EXOC6: variants seen among roughly 807,000 people sequenced by gnomAD.
EXOC6 encodes SEC15-like 1.
A neutral mutation model predicts 112.5 loss-of-function variants in EXOC6; 60 were observed. That is an observed-to-expected ratio of 0.53 (90% confidence interval 0.43 to 0.66). The LOEUF (loss-of-function observed/expected upper bound fraction) is 0.66. EXOC6 is among the 30% of genes least tolerant of loss of function. The pLI is 0.00. For synonymous variants in EXOC6, 295 were observed against 308.0 expected, an observed-to-expected ratio of 0.96 and a Z score of 0.44; for missense variants, 855 against 957.1, an observed-to-expected ratio of 0.89 and a Z score of 1.41.
chr10:92,957,350 C>T (rs1186309207), intron 17 of EXOC6, among the ~76,000 whole-genome samples: 1 of 152,080 alleles, frequency 6.6e-6, no homozygotes, highest in Non-Finnish European at 1.5e-5. Context: ...TAGGGATCTT[C>T]AAGTAATTAT....
intron 21 of EXOC6, 116 bp from the exon 22 acceptor site, chr10:93,058,106 AT>A: frequency 1.1e-6 from 1 of 879,872 alleles, no homozygotes; most frequent in South Asian, 1.8e-5. Context: ...TTTGAACTAT[AT>A]TTTTCAAGCA....
Position 93,058,353 on chromosome 10 carries a change from T to C in EXOC6, c.2413T>C (p.Ter805GlnextTer13). ...GGTGAATGGTATGTCCCAGCACATG[T>C]AGACCTCACATGGCTTGCACTCAGT... is the stretch of plus-strand genomic sequence containing the variant. Reference protein sequence around the residue: ...SLVNGMSQHM* With the variant: ...SLVNGMSQHMQ Residue 805 changes from the stop codon to glutamine (Q), a stop_lost, in exon 22 of 22, where the codon TAG (stop) becomes CAG (glutamine). Transcript: ENST00000260762. 6.2e-7 allele frequency: 1 copy of C among 1,600,326 alleles called. No homozygotes were observed. The highest frequency in any genetic ancestry group is 8.5e-7 in the Non-Finnish European group (1 of 1,176,634).
intron 18 of EXOC6, among the ~76,000 whole-genome samples, chr10:92,994,713 A>G (rs989856041): frequency 2.0e-5 from 3 of 152,046 alleles, no homozygotes; most frequent in Non-Finnish European, 4.4e-5. Context: ...GATCGTTGTA[A>G]AAGTACTCAG....
chr10:92,955,460 T>G, intron 16 of EXOC6, 120 bp from the exon 17 acceptor site: 1 of 778,584 alleles, frequency 1.3e-6, no homozygotes, highest in Non-Finnish European at 2.1e-6. Flanking sequence ...TTGTATCCTA[T>G]AATGCTGCAA....
At chr10:93,013,060 T>C (rs1164996668) in intron 19 of EXOC6, among the ~76,000 whole-genome samples, 1 of 151,450 alleles carries the variant, frequency 6.6e-6, no homozygotes, top group Non-Finnish European at 1.5e-5. Context: ...AAATTAGAAA[T>C]TAATGGGGTG....
intron 19 of EXOC6, among the ~76,000 whole-genome samples, chr10:93,007,497 A>C (rs1844049396): frequency 6.6e-6 from 1 of 151,922 alleles, no homozygotes; most frequent in South Asian, 2.1e-4. Context: ...TTAAAAATAC[A>C]AAAAAATTAG....
chr10:93,048,127 G>A (rs1846091735), intron 20 of EXOC6, among the ~76,000 whole-genome samples: 1 of 152,122 alleles, frequency 6.6e-6, no homozygotes, highest in African/African-American at 2.4e-5. Context: ...TTCTGTGTGT[G>A]CATGGAGGGA....
Position 92,848,623 on chromosome 10 carries a change from GC to G in EXOC6, c.93del (p.Thr32ProfsTer20). The stretch of plus-strand genomic sequence containing the variant: ...AGAGCACCGACACCGCCTGTGTGGG[GC>G]CCACCCTCCGGTAAAGATCTCATCC... ...IESTDTACVGPTLRSVYDDQP... is the reference protein window; with the variant it reads ...IESTDTACVGXTLRSVYDDQP... On this transcript the variant is annotated frameshift_variant, in exon 1 of 22. Coordinates refer to ENST00000260762, the MANE Select transcript of EXOC6 (RefSeq NM_019053.6). LOFTEE classifies it high-confidence loss of function. 1 of 1,433,920 alleles carries G rather than the reference GC, an allele frequency of 7.0e-7. No individual in the cohort carries two copies. The highest frequency in any genetic ancestry group is 1.3e-5 in the South Asian group (1 of 79,328). The allele number at this position is 1,433,920 out of a possible 1,614,324, so 88.8% of individuals were successfully genotyped here. A position where few individuals can be genotyped will look rare whatever the true frequency, so the allele number is the denominator to read the frequency against.
chr10:92,906,656 T>C (rs1850460836), intron 5 of EXOC6, among the ~76,000 whole-genome samples: 1 of 152,192 alleles, frequency 6.6e-6, no homozygotes, highest in Non-Finnish European at 1.5e-5. Context: ...ATCATTACCT[T>C]ATAATAAAAG....
At chr10:92,920,418 C>T (rs1851361690) in intron 8 of EXOC6, among the ~76,000 whole-genome samples, 1 of 152,118 alleles carries the variant, frequency 6.6e-6, no homozygotes, top group Non-Finnish European at 1.5e-5. Flanking sequence ...ATCTAGTTCA[C>T]ATACGAAAAA....
At chr10:93,016,177 C>T (rs552845456) in intron 20 of EXOC6, among the ~76,000 whole-genome samples, 7 of 152,126 alleles carry the variant, frequency 4.6e-5, no homozygotes, top group African/African-American at 1.4e-4. Context: ...CTCTGTTGCC[C>T]AGGCTGGAAT....
At chr10:92,877,070 C>T (rs1848714884) in intron 1 of EXOC6, among the ~76,000 whole-genome samples, 1 of 152,112 alleles carries the variant, frequency 6.6e-6, no homozygotes, top group Non-Finnish European at 1.5e-5. Flanking sequence ...AACGGGAAGG[C>T]AGGAAACTTA....
chr10:92,842,272 T>C (rs1846881901), intron 1 of EXOC6, among the ~76,000 whole-genome samples: 1 of 149,410 alleles, frequency 6.7e-6, no homozygotes, highest in Non-Finnish European at 1.5e-5. Flanking sequence ...GGCAGGAGAA[T>C]TGCTTGAACC....
intron 18 of EXOC6, among the ~76,000 whole-genome samples, chr10:92,989,966 A>G (rs1055114050): frequency 6.6e-6 from 1 of 152,194 alleles, no homozygotes; most frequent in South Asian, 2.1e-4. Context: ...TTTTTATATT[A>G]TATCCATTGT....
At chr10:92,993,241 T>C (rs1005093384) in intron 18 of EXOC6, among the ~76,000 whole-genome samples, 4 of 152,088 alleles carry the variant, frequency 2.6e-5, no homozygotes, top group African/African-American at 9.7e-5. Context: ...TATATTTGAG[T>C]CTGTGTATTT....
intron 15 of EXOC6, among the ~76,000 whole-genome samples, chr10:92,954,129 A>G (rs1344033739): frequency 2.6e-5 from 4 of 152,028 alleles, no homozygotes; most frequent in African/African-American, 9.7e-5. Context: ...AAATATTTGA[A>G]ACTAGCTGGG....
At chr10:92,856,724 C>G (rs1185408002) in intron 1 of EXOC6, among the ~76,000 whole-genome samples, 2 of 152,150 alleles carry the variant, frequency 1.3e-5, no homozygotes, top group Admixed American at 1.3e-4. Context: ...GAGTATTGTT[C>G]ACGTCTCCTA....
chr10:92,934,286 T>C (rs1416761201), intron 10 of EXOC6, 24 bp from the exon 11 acceptor site: 1 of 1,564,878 alleles, frequency 6.4e-7, no homozygotes, highest in South Asian at 1.2e-5. Flanking sequence ...TTTTAACACA[T>C]GCTTTGGTAA....
Position 93,056,859 on chromosome 10 carries a change from A to G in EXOC6, c.2170-65A>G, listed in dbSNP as rs1482515817. 10 of 864,900 alleles carry G rather than the reference A, an allele frequency of 1.2e-5. No individual in the cohort carries two copies. In the Admixed American group the frequency reaches 1.9e-4, roughly 17 times the overall value. The allele number at this position is 864,900 out of a possible 1,614,324, so 53.6% of individuals were successfully genotyped here. Reference sequence around the variant, plus strand: ...TATTAAAATGGACCAAGGATAGCATATAATTTAAGTATTAACTGGGTAAAT... The same window carrying G: ...TATTAAAATGGACCAAGGATAGCATGTAATTTAAGTATTAACTGGGTAAAT... On this transcript the variant is annotated intron_variant, in intron 20 of 21. Coordinates refer to ENST00000260762, the MANE Select transcript of EXOC6 (RefSeq NM_019053.6).
Sources: allele counts gnomAD v4.1 joint callset (sites outside exome capture counted in the v4.1 genomes callset), GRCh38; gene constraint gnomAD v4.1.1; transcripts MANE v1.5; gene names NCBI Gene and HGNC (gene_info 2026-07-23, HGNC 2026-07-21).